FHL1: variants seen among roughly 807,000 people sequenced by gnomAD.
FHL1 encodes the protein four and a half LIM domains protein 1.
A neutral mutation model predicts 20.3 loss-of-function variants in FHL1; 1 was observed. That is an observed-to-expected ratio of 0.05 (90% CI 0.02 to 0.23). FHL1 has a LOEUF of 0.23. Among genes scored for constraint, FHL1 ranks in the 10% least tolerant of loss-of-function variants. FHL1 has a pLI of 1.00. For missense variants in FHL1, 177 were observed against 234.0 expected (o/e 0.76, Z 1.59); for synonymous variants, 82 against 88.9 (o/e 0.92, Z 0.44).
At chrX:136,174,653 C>G (rs1443777548) in intron 2 of FHL1, among the ~76,000 whole-genome samples, 1 of 111,965 alleles carries the variant, frequency 8.9e-6, no homozygotes, top group Non-Finnish European at 1.9e-5. Context: ...CCAGATAAAT[C>G]TGGATCTACT....
rs2074006981 is a variant in FHL1 at position 136,211,255 on chromosome X, T to C, written c.*1230T>C. On this transcript the variant is annotated 3_prime_UTR_variant, in exon 6 of 6. Transcript: ENST00000370683. ...ATACATACTAACATTCTTGTAGGAGTGGTTAGAGAAGCTGATGCCTCATTT... is the reference window on the plus strand; with the variant it reads ...ATACATACTAACATTCTTGTAGGAGCGGTTAGAGAAGCTGATGCCTCATTT... 1 of 340,085 alleles carries C rather than the reference T, an allele frequency of 2.9e-6. No individual in the cohort carries two copies. The highest frequency in any genetic ancestry group is 6.5e-5 in the East Asian group (1 of 15,360). The allele number at this position is 340,085 out of a possible 1,213,427, so 28.0% of individuals were successfully genotyped here. A position where few individuals can be genotyped will look rare whatever the true frequency, so the allele number is the denominator to read the frequency against.
At chrX:136,178,624 A>G (rs762698245) in intron 2 of FHL1, among the ~76,000 whole-genome samples, 1 of 111,753 alleles carries the variant, frequency 8.9e-6, no homozygotes, top group Non-Finnish European at 1.9e-5. Context: ...CAACAACAAC[A>G]ACAACAACAA....
intron 2 of FHL1, among the ~76,000 whole-genome samples, chrX:136,172,659 A>C (rs1429559597): frequency 8.8e-6 from 1 of 113,222 alleles, no homozygotes; most frequent in Non-Finnish European, 1.9e-5. Flanking sequence ...CTATTTTTAA[A>C]ACGTTTGTTT....
intron 1 of FHL1, among the ~76,000 whole-genome samples, chrX:136,150,116 C>T (rs1429353540): frequency 8.9e-6 from 1 of 111,743 alleles, no homozygotes. Context: ...ATCTGTTGCC[C>T]TCTAGGACAT....
intron 1 of FHL1, among the ~76,000 whole-genome samples, chrX:136,163,112 A>ACCCCACCTCTTAGAGG (rs1032861853): frequency 4.5e-5 from 5 of 111,575 alleles, no homozygotes; most frequent in Non-Finnish European, 7.5e-5. Context: ...CGGTTTAATC[A>ACCCCACCTCTTAGAGG]CCCCACCTCT....
intron 2 of FHL1, among the ~76,000 whole-genome samples, chrX:136,174,152 T>A (rs957321977): frequency 9.0e-6 from 1 of 111,673 alleles, no homozygotes; most frequent in African/African-American, 3.3e-5. Flanking sequence ...CAGGTCTAGA[T>A]AAAATTGAGG....
At chrX:136,146,807 C>T (rs763496999), upstream of FHL1, 75 of 327,853 alleles carry the variant, frequency 2.3e-4, no homozygotes, top group Non-Finnish European at 3.6e-4. Flanking sequence ...GCCGCTTTGC[C>T]ATCGGTGCTT....
At chrX:136,194,793 C>T (rs777857508), upstream of FHL1, among the ~76,000 whole-genome samples, 6 of 112,128 alleles carry the variant, frequency 5.4e-5, no homozygotes, top group East Asian at 1.4e-3. Flanking sequence ...ACCAACTATT[C>T]TTCCTAAGAA....
At chrX:136,185,934 G>T (rs760828638) in intron 2 of FHL1, among the ~76,000 whole-genome samples, 1 of 111,955 alleles carries the variant, frequency 8.9e-6, no homozygotes, top group Non-Finnish European at 1.9e-5. Context: ...AGAAGGGCTT[G>T]TGCCCAGCTC....
chrX:136,167,564 A>G (rs1379141815), upstream of FHL1, among the ~76,000 whole-genome samples: 1 of 111,140 alleles, frequency 9.0e-6, no homozygotes, highest in Non-Finnish European at 1.9e-5. Context: ...AGGACTAACA[A>G]AACCTAACAT....
At chrX:136,183,324 G>T (rs2148327447) in intron 2 of FHL1, among the ~76,000 whole-genome samples, 1 of 110,918 alleles carries the variant, frequency 9.0e-6, no homozygotes, top group South Asian at 3.8e-4. Context: ...AAACTCCTTG[G>T]CACAATGGAA....
chrX:136,161,405 G>T (rs2072561951), intron 1 of FHL1, among the ~76,000 whole-genome samples: 1 of 112,116 alleles, frequency 8.9e-6, no homozygotes, highest in Admixed American at 9.5e-5. Context: ...ATAATTCTTG[G>T]ACTGCCTGAT....
chrX:136,178,304 AAGG>A (rs1482938673), intron 2 of FHL1, among the ~76,000 whole-genome samples: 2 of 112,289 alleles, frequency 1.8e-5, no homozygotes, highest in Non-Finnish European at 3.8e-5. Flanking sequence ...TTAAAATAAA[AAGG>A]AGGAAATATA....
intron 1 of FHL1, among the ~76,000 whole-genome samples, chrX:136,149,254 C>T (rs1371818375): frequency 8.9e-6 from 1 of 112,170 alleles, no homozygotes; most frequent in African/African-American, 3.2e-5. Context: ...GAACCGGGCC[C>T]TCCCGATCCT....
At chrX:136,207,354 T>C (rs750020329) in intron 3 of FHL1, 164 bp downstream of exon 3, 1 of 487,964 alleles carries the variant, frequency 2.0e-6, no homozygotes, top group Admixed American at 4.0e-5. Context: ...TACACATATA[T>C]GCTCGCACAC....
At chrX:136,172,137 G>A (rs983239587) in intron 2 of FHL1, among the ~76,000 whole-genome samples, 5 of 111,557 alleles carry the variant, frequency 4.5e-5, no homozygotes, top group East Asian at 5.6e-4. Context: ...CAAGCGATCC[G>A]CCCTCCTTGG....
chrX:136,157,010 CACACACAT>C (rs1366443691), intron 1 of FHL1, among the ~76,000 whole-genome samples: 45 of 110,551 alleles, frequency 4.1e-4, no homozygotes, highest in Admixed American at 1.2e-3. Flanking sequence ...CACACACACA[CACACACAT>C]AGGCAGACCT....
chrX:136,152,580 G>A (rs1451061736), intron 1 of FHL1, among the ~76,000 whole-genome samples: 2 of 110,355 alleles, frequency 1.8e-5, no homozygotes, highest in South Asian at 4.0e-4. Flanking sequence ...TTAGCCAGGC[G>A]TGGTAGTGGG....
chrX:136,167,402 T>G (rs2072740932), upstream of FHL1, among the ~76,000 whole-genome samples: 1 of 109,771 alleles, frequency 9.1e-6, no homozygotes, highest in Admixed American at 9.8e-5. Context: ...AGACGGGGTT[T>G]CATCATGTTG....
Sources: allele counts gnomAD v4.1 joint callset (sites outside exome capture counted in the v4.1 genomes callset), GRCh38; gene constraint gnomAD v4.1.1; transcripts MANE v1.5; gene names NCBI Gene and HGNC (gene_info 2026-07-23, HGNC 2026-07-21).